The following ADAMTS19 variants were observed in gnomAD, a reference collection of about 807,000 sequenced individuals.
The protein encoded by ADAMTS19 is A disintegrin and metalloproteinase with thrombospondin motifs 19.
Under a neutral mutation model 153.3 loss-of-function variants are expected in ADAMTS19, and 93 were observed. That is an observed-to-expected ratio of 0.61 (90% CI 0.51 to 0.72). ADAMTS19 has a LOEUF of 0.72. ADAMTS19 is among the 30% of genes least tolerant of loss of function. The pLI is 0.00. For synonymous variants in ADAMTS19, 600 were observed against 556.6 expected, an observed-to-expected ratio of 1.08 and a Z score of -1.10; for missense variants, 1,482 against 1,552.1, an observed-to-expected ratio of 0.95 and a Z score of 0.76.
At position 129,467,815 on chromosome 5, in the gene ADAMTS19, A is replaced by G. The variant is rs528090654; in HGVS notation, c.747+6058A>G. On this transcript the variant is annotated intron_variant, in intron 2 of 22. Transcript: ENST00000274487. ...AATGAAAAATCTTCCTCAAATACCT[A>G]TTCCCCGGTTAGTACTTAGTTTTCC... is the stretch of plus-strand genomic sequence containing the variant. Among the ~76,000 whole-genome samples, 3 of 152,372 alleles carry G rather than the reference A, an allele frequency of 2.0e-5. No individual in the cohort carries two copies. In the South Asian group the frequency reaches 6.2e-4, roughly 32 times the overall value.
intron 9 of ADAMTS19, among the ~76,000 whole-genome samples, chr5:129,621,757 C>G (rs935364865): frequency 2.0e-5 from 3 of 151,974 alleles, no homozygotes; most frequent in African/African-American, 7.3e-5. Context: ...AGTTGTATTA[C>G]AATGTCAAGC....
At chr5:129,479,153 G>A (rs985380015) in intron 2 of ADAMTS19, among the ~76,000 whole-genome samples, 1 of 152,084 alleles carries the variant, frequency 6.6e-6, no homozygotes, top group African/African-American at 2.4e-5. Context: ...TGTGTGTGGT[G>A]TGTATGTTTG....
chr5:129,515,430 G>A (rs1314861178), intron 3 of ADAMTS19, among the ~76,000 whole-genome samples: 1 of 151,894 alleles, frequency 6.6e-6, no homozygotes. Flanking sequence ...CCATGAACAT[G>A]GAATATCTTT....
intron 16 of ADAMTS19, among the ~76,000 whole-genome samples, chr5:129,677,167 T>G (rs545738173): frequency 6.6e-6 from 1 of 152,238 alleles, no homozygotes; most frequent in South Asian, 2.1e-4. Flanking sequence ...AGGAATAAAA[T>G]AATAGATCTT....
At chr5:129,582,880 C>G (rs945199973) in intron 7 of ADAMTS19, among the ~76,000 whole-genome samples, 3 of 151,952 alleles carry the variant, frequency 2.0e-5, no homozygotes, top group African/African-American at 4.8e-5. Context: ...CCCAGTCTGT[C>G]TTTTAATTTG....
At chr5:129,546,690 G>T (rs1752872930) in intron 6 of ADAMTS19, among the ~76,000 whole-genome samples, 2 of 151,040 alleles carry the variant, frequency 1.3e-5, no homozygotes, top group African/African-American at 2.5e-5. Flanking sequence ...GAAAAAACAA[G>T]CAAAGTTTAC....
intron 10 of ADAMTS19, among the ~76,000 whole-genome samples, chr5:129,639,082 G>C (rs10070855): frequency 0.23 from 34,380 of 152,046 alleles, 4,339 homozygotes; most frequent in African/African-American, 0.33. Context: ...TTGCATCTCT[G>C]TTGTGGATTC....
At chr5:129,571,039 C>T (rs932780237) in intron 7 of ADAMTS19, among the ~76,000 whole-genome samples, 4 of 151,784 alleles carry the variant, frequency 2.6e-5, no homozygotes, top group Non-Finnish European at 5.9e-5. Flanking sequence ...CACTCCATCC[C>T]TCTTAGGAAA....
intron 20 of ADAMTS19, among the ~76,000 whole-genome samples, chr5:129,702,955 TATATATATATATATATACAAATAC>T (rs1200011653): frequency 0.024 from 3,106 of 132,108 alleles, 171 homozygotes; most frequent in African/African-American, 0.09. Flanking sequence ...TATATATATA[TATATATATATATATATACAAATAC>T]ATATATATAT....
At chr5:129,701,622 T>G in intron 20 of ADAMTS19, 30 bp downstream of exon 20, 1 of 1,609,156 alleles carries the variant, frequency 6.2e-7, no homozygotes, top group Non-Finnish European at 8.5e-7. Flanking sequence ...CTTTCCCCAT[T>G]CCTACTCTGA....
intron 7 of ADAMTS19, among the ~76,000 whole-genome samples, chr5:129,585,232 G>C (rs1749722014): frequency 1.3e-5 from 2 of 151,580 alleles, no homozygotes; most frequent in South Asian, 4.2e-4. Flanking sequence ...TGCACCCACT[G>C]TCTAACCAGT....
chr5:129,534,478 G>A (rs367856997), intron 6 of ADAMTS19, among the ~76,000 whole-genome samples: 19 of 152,180 alleles, frequency 1.2e-4, no homozygotes, highest in Admixed American at 7.2e-4. Flanking sequence ...ATTCACAGCC[G>A]AATTCTACCA....
chr5:129,481,786 A>C (rs1339322189), intron 2 of ADAMTS19, among the ~76,000 whole-genome samples: 6 of 152,182 alleles, frequency 3.9e-5, no homozygotes, highest in Non-Finnish European at 7.3e-5. Flanking sequence ...TTCAGATAGC[A>C]GCTTGATGTG....
At chr5:129,479,825 A>G (rs1750349793) in intron 2 of ADAMTS19, among the ~76,000 whole-genome samples, 1 of 152,178 alleles carries the variant, frequency 6.6e-6, no homozygotes, top group Admixed American at 6.5e-5. Flanking sequence ...GAATATCTAC[A>G]TAAATGGAGA....
At chr5:129,486,080 C>T (rs1055374151) in intron 2 of ADAMTS19, among the ~76,000 whole-genome samples, 22 of 152,246 alleles carry the variant, frequency 1.4e-4, no homozygotes, top group Admixed American at 1.1e-3. Context: ...CGTAAGCCAC[C>T]GCGCCTGGCC....
chr5:129,535,770 T>A (rs1752396908), intron 6 of ADAMTS19, among the ~76,000 whole-genome samples: 1 of 152,090 alleles, frequency 6.6e-6, no homozygotes, highest in Non-Finnish European at 1.5e-5. Flanking sequence ...TATCTACAAC[T>A]ATATGATCTT....
rs147233663 is a variant in ADAMTS19, at chr5:129,686,060, A to G, written c.2818+1787A>G. ...ATCAATCACTTAGATAATGAATGAAATGGGTATGTGTATTTTGATTATCTG... is the reference window on the plus strand; with the variant it reads ...ATCAATCACTTAGATAATGAATGAAGTGGGTATGTGTATTTTGATTATCTG... On this transcript the variant is annotated intron_variant, in intron 18 of 22. Transcript: ENST00000274487. 3.0e-4 allele frequency among the ~76,000 whole-genome samples: 45 copies of G among 152,298 alleles called. No individual in the cohort carries two copies. In the East Asian group the frequency reaches 8.1e-3, roughly 27 times the overall value.
chr5:129,659,547 A>G (rs1333110404), intron 15 of ADAMTS19, among the ~76,000 whole-genome samples: 1 of 152,090 alleles, frequency 6.6e-6, no homozygotes, highest in Non-Finnish European at 1.5e-5. Flanking sequence ...TATTTTCATG[A>G]TTGATATGCT....
At chr5:129,583,799 T>G (rs1391165779) in intron 7 of ADAMTS19, among the ~76,000 whole-genome samples, 1 of 151,984 alleles carries the variant, frequency 6.6e-6, no homozygotes, top group Non-Finnish European at 1.5e-5. Flanking sequence ...GTTATTCTAG[T>G]TAGCAATTCC....
Sources: gnomAD v4.1 joint callset for allele counts (sites outside exome capture counted in the v4.1 genomes callset) on GRCh38, gnomAD v4.1.1 for gene constraint, MANE v1.5 for transcripts, NCBI Gene and HGNC (gene_info 2026-07-23, HGNC 2026-07-21) for gene names.